CPEB3: variants seen among roughly 807,000 people sequenced by gnomAD.
CPEB3 encodes the protein cytoplasmic polyadenylation element-binding protein 3.
In CPEB3, 20 loss-of-function variants were observed where a neutral mutation model predicts 67.2. That is an observed-to-expected ratio of 0.30 (90% CI 0.21 to 0.43). The LOEUF is 0.43. Ranked by LOEUF, CPEB3 falls within the 20% of genes least tolerant of loss-of-function variation. The probability of loss-of-function intolerance (pLI) is 1.00; values close to 1 mark genes in which losing one functional copy is unlikely to be tolerated. For synonymous variants in CPEB3, 376 were observed against 393.1 expected (o/e 0.96, Z 0.51); for missense variants, 746 against 968.6 (o/e 0.77, Z 3.05).
Position 92,192,120 on chromosome 10 carries a change from C to A in CPEB3, c.1165+357G>T, listed in dbSNP as rs1053155802. ...AAGACTGCTTTACTAACTCTCACAG[C>A]TCCTTGCAGTATATATACATGGACT... On this transcript the variant is annotated intron_variant, in intron 3 of 9. Coordinates refer to ENST00000265997, the MANE Select transcript of CPEB3 (RefSeq NM_014912.5). Among the ~76,000 whole-genome samples, 39 of 152,268 alleles carry A rather than the reference C, an allele frequency of 2.6e-4. 1 individual carries two copies. Among genetic ancestry groups the A allele is most frequent in the African/African-American group, 8.7e-4 (36 of 41,558 alleles).
intron 4 of CPEB3, among the ~76,000 whole-genome samples, chr10:92,161,160 G>A (rs201041978): frequency 1.3e-5 from 2 of 152,070 alleles, no homozygotes; most frequent in East Asian, 3.9e-4. Context: ...ATTGGTTCAT[G>A]ATGGTTGGGA....
intron 9 of CPEB3, among the ~76,000 whole-genome samples, chr10:92,072,706 G>A (rs1441501992): frequency 6.6e-6 from 1 of 152,184 alleles, no homozygotes; most frequent in Admixed American, 6.5e-5. Flanking sequence ...CTACAGCAAT[G>A]GTTCTCTAGG....
chr10:92,127,499 GAC>G, intron 6 of CPEB3, among the ~76,000 whole-genome samples: 1 of 152,124 alleles, frequency 6.6e-6, no homozygotes. Flanking sequence ...AATATGGTGA[GAC>G]CCCCATCTCT....
At chr10:92,122,178 A>C (rs1369054362) in intron 6 of CPEB3, among the ~76,000 whole-genome samples, 2 of 152,246 alleles carry the variant, frequency 1.3e-5, no homozygotes, top group African/African-American at 4.8e-5. Context: ...GACACTGGGG[A>C]GAAAAAAAGG....
intron 7 of CPEB3, among the ~76,000 whole-genome samples, chr10:92,104,379 CTTTTTTTTT>C (rs397845791): frequency 7.9e-6 from 1 of 127,224 alleles, no homozygotes; most frequent in African/African-American, 3.0e-5. Flanking sequence ...GGAAATGCAA[CTTTTTTTTT>C]TTTTTTTTTT....
intron 2 of CPEB3, among the ~76,000 whole-genome samples, chr10:92,203,444 A>ATATATATACGTATATATGTATATGTG (rs1849622628): frequency 8.4e-6 from 1 of 118,502 alleles, no homozygotes; most frequent in Non-Finnish European, 1.5e-5. Flanking sequence ...ATGTATATGT[A>ATATATATACGTATATATGTATATGTG]TATATATACG....
chr10:92,267,931 G>GCCT (rs1564921277), intron 1 of CPEB3, among the ~76,000 whole-genome samples: 1 of 152,104 alleles, frequency 6.6e-6, no homozygotes, highest in African/African-American at 2.4e-5. Context: ...CAATTCTCCT[G>GCCT]CCTCCTCCTC....
chr10:92,219,267 TTTTAAATA>T (rs1850584610), intron 2 of CPEB3, among the ~76,000 whole-genome samples: 1 of 152,210 alleles, frequency 6.6e-6, no homozygotes, highest in Non-Finnish European at 1.5e-5. Context: ...ATGGCTGCCC[TTTTAAATA>T]TTTAATTATT....
At chr10:92,119,210 A>T (rs1237015630) in intron 6 of CPEB3, 1 of 1,582,254 alleles carries the variant, frequency 6.3e-7, no homozygotes, top group South Asian at 1.1e-5. Context: ...TATTACATTC[A>T]CCCATCTTTC....
At chr10:92,206,076 C>CTT (rs575156457) in intron 2 of CPEB3, among the ~76,000 whole-genome samples, 75 of 139,272 alleles carry the variant, frequency 5.4e-4, no homozygotes, top group Non-Finnish European at 8.5e-4. Flanking sequence ...CCAGTAAATA[C>CTT]TTTTTTTTTT....
chr10:92,247,256 C>T (rs1225075573), intron 1 of CPEB3, among the ~76,000 whole-genome samples: 3 of 152,008 alleles, frequency 2.0e-5, no homozygotes, highest in Non-Finnish European at 2.9e-5. Flanking sequence ...CTTGCTGTGT[C>T]GCCCAAGCTG....
chr10:92,272,645 T>G (rs974334621), intron 1 of CPEB3, among the ~76,000 whole-genome samples: 2 of 152,210 alleles, frequency 1.3e-5, no homozygotes. Flanking sequence ...GGCTCTGTAC[T>G]AGGCACTGGG....
chr10:92,260,139 C>T (rs914935629), intron 1 of CPEB3, among the ~76,000 whole-genome samples: 7 of 152,282 alleles, frequency 4.6e-5, no homozygotes, highest in Non-Finnish European at 1.0e-4. Flanking sequence ...TTCTTTCTCC[C>T]ACTGACACAA....
intron 2 of CPEB3, among the ~76,000 whole-genome samples, chr10:92,205,334 ATAAT>A (rs1849729753): frequency 6.6e-6 from 1 of 152,182 alleles, no homozygotes; most frequent in South Asian, 2.1e-4. Context: ...CATATAATAG[ATAAT>A]TAATATGTGC....
intron 9 of CPEB3, among the ~76,000 whole-genome samples, chr10:92,067,153 T>G (rs1316727556): frequency 1.3e-5 from 2 of 151,952 alleles, no homozygotes; most frequent in African/African-American, 4.8e-5. Context: ...TTTTAGTTTT[T>G]CAACTATGAG....
chr10:92,048,383 T>TCA lies in CPEB3; in HGVS notation c.*3828_*3829insTG, dbSNP rs373292872. 2.9e-3 allele frequency: 224 copies of TCA among 76,230 alleles called. No individual in the cohort carries two copies. The highest frequency in any genetic ancestry group is 0.013 in the South Asian group (17 of 1,326). 4.7% of individuals were successfully genotyped at this position (76,230 alleles called of 1,614,324 possible). On this transcript the variant is annotated 3_prime_UTR_variant, in exon 10 of 10. Transcript: ENST00000265997. The surrounding 1 kb of genome is among the most constrained non-coding windows in gnomAD (Gnocchi z 4.1). ...GTTTTTCTCTCTCTCTCTCTCTCTC[T>TCA]CTCTCACACACACACACACACACAC...
intron 4 of CPEB3, among the ~76,000 whole-genome samples, chr10:92,147,539 A>G (rs1252278952): frequency 6.6e-6 from 1 of 152,200 alleles, no homozygotes; most frequent in East Asian, 1.9e-4. Flanking sequence ...AAAACACTTG[A>G]GGAAATATTC....
At chr10:92,185,279 T>A (rs1431797027) in intron 3 of CPEB3, among the ~76,000 whole-genome samples, 1 of 152,220 alleles carries the variant, frequency 6.6e-6, no homozygotes, top group Non-Finnish European at 1.5e-5. Context: ...CTGGAAGGCA[T>A]ACTTGGTTTT....
At chr10:92,244,184 T>C (rs1028185701) in intron 1 of CPEB3, among the ~76,000 whole-genome samples, 1 of 151,542 alleles carries the variant, frequency 6.6e-6, no homozygotes, top group Non-Finnish European at 1.5e-5. Context: ...CCATCTCTAC[T>C]AAAAATACAA....
Sources: gnomAD v4.1 joint callset for allele counts (sites outside exome capture counted in the v4.1 genomes callset) on GRCh38, gnomAD v4.1.1 for gene constraint, Gnocchi (gnomAD v3.1) non-coding constraint, MANE v1.5 for transcripts, NCBI Gene and HGNC (gene_info 2026-07-23, HGNC 2026-07-21) for gene names.